The following ODAD2 variants were observed in gnomAD, a reference collection of about 807,000 sequenced individuals.
The protein encoded by ODAD2 is outer dynein arm-docking complex subunit 2.
ODAD2 carries 89 observed loss-of-function variants against 106.8 expected under a neutral mutation model. The observed-to-expected ratio is 0.83, with a 90% CI of 0.70 to 0.99. ODAD2 has a LOEUF of 0.99. ODAD2 is among the 50% of genes least tolerant of loss of function. The pLI, the probability that ODAD2 is intolerant of heterozygous loss-of-function variation, is 0.00. For missense variants in ODAD2, 1,168 were observed against 1,238.5 expected (o/e 0.94, Z 0.85); for synonymous variants, 404 against 436.2 (o/e 0.93, Z 0.92).
At chr10:27,888,980 C>A (rs554813202) in intron 17 of ODAD2, among the ~76,000 whole-genome samples, 1 of 152,274 alleles carries the variant, frequency 6.6e-6, no homozygotes, top group South Asian at 2.1e-4. Flanking sequence ...ACATCCAAAG[C>A]ACAATGTAGC....
At position 27,860,631 on chromosome 10, in the gene ODAD2, T is replaced by C. The variant is rs746942166; in HGVS notation, c.3015A>G (p.Ala1005=). 1 of 1,613,540 alleles carries C rather than the reference T, an allele frequency of 6.2e-7. No homozygotes were observed. Among genetic ancestry groups the C allele is most frequent in the Non-Finnish European group, 8.5e-7 (1 of 1,179,628 alleles). ...DNCITMHENG[A]VKLLLDMVGS... is the part of the protein sequence containing the mutation. ...CAAAGTCATTCAACTGTACCTTTAC[T>C]GCACCATTCTCATGCATGGTGATGC... is the stretch of plus-strand genomic sequence containing the variant. The change falls in exon 19 of 20, where the codon GCA becomes GCG. Residue 1005 remains alanine, a synonymous_variant. Coordinates refer to ENST00000305242, the MANE Select transcript of ODAD2 (RefSeq NM_018076.5).
At chr10:27,899,951 C>T (rs1161488254) in intron 17 of ODAD2, among the ~76,000 whole-genome samples, 2 of 152,184 alleles carry the variant, frequency 1.3e-5, no homozygotes, top group Non-Finnish European at 2.9e-5. Flanking sequence ...CTCAGCACAG[C>T]ACTCAAGCTC....
At chr10:27,948,712 A>C (rs1366419162) in intron 10 of ODAD2, among the ~76,000 whole-genome samples, 1 of 148,984 alleles carries the variant, frequency 6.7e-6, no homozygotes, top group Non-Finnish European at 1.5e-5. Flanking sequence ...AATTAATGCA[A>C]TTCTTTTGCT....
chr10:27,824,403 G>A (rs1836875414), intron 19 of ODAD2, among the ~76,000 whole-genome samples: 1 of 152,126 alleles, frequency 6.6e-6, no homozygotes, highest in African/African-American at 2.4e-5. Flanking sequence ...CCTAATAAAT[G>A]GGTAAGTTTG....
At chr10:27,959,108 A>G (rs1847927858) in intron 10 of ODAD2, 2 of 857,702 alleles carry the variant, frequency 2.3e-6, no homozygotes, top group Non-Finnish European at 3.2e-6. Context: ...AGGCCAATGT[A>G]GGAAGACTGC....
chr10:27,931,086 G>C (rs1845586573), intron 16 of ODAD2, among the ~76,000 whole-genome samples: 1 of 151,790 alleles, frequency 6.6e-6, no homozygotes, highest in Admixed American at 6.6e-5. Context: ...CTTCTTCCAA[G>C]ACCCATTCAA....
In ODAD2 at chr10:27,980,544, C is replaced by T. The variant is rs866164075; in HGVS notation, c.936+922G>A. 6.6e-5 allele frequency among the ~76,000 whole-genome samples: 10 copies of T among 152,020 alleles called. No individual in the cohort carries two copies. The South Asian group carries it at 1.0e-3, about 16-fold the overall frequency. ...CAGACATTTCTTCAAAAAAGATATA[C>T]AGATAACCAACAAATATATGAAAAT... On this transcript the variant is annotated intron_variant, in intron 7 of 19. Coordinates refer to ENST00000305242, the MANE Select transcript of ODAD2 (RefSeq NM_018076.5).
intron 17 of ODAD2, among the ~76,000 whole-genome samples, chr10:27,876,343 A>G (rs1045582664): frequency 1.9e-4 from 29 of 152,134 alleles, no homozygotes; most frequent in Non-Finnish European, 8.8e-5. Context: ...CCTCTGAGAC[A>G]AAGCCTCCAG....
chr10:27,935,060 C>G lies in ODAD2; in HGVS notation c.2445G>C (p.Val815=). 6.2e-7 allele frequency: 1 copy of G among 1,613,932 alleles called. No individual in the cohort carries two copies. Among genetic ancestry groups the G allele is most frequent in the East Asian group, 2.2e-5 (1 of 44,866 alleles). The change falls in exon 16 of 20, where the codon GTG becomes GTC. Residue 815 remains valine, a synonymous_variant. Transcript: ENST00000305242. ...LLVGINQALL[V]NVTKAVGACA... is the part of the protein sequence containing the mutation. ...AAGCACCAACTGCTTTTGTAACATT[C>G]ACAAGAAGAGCTTGGTTTATTCCAA... is the stretch of plus-strand genomic sequence containing the variant.
chr10:27,944,785 A>C (rs764249970), intron 11 of ODAD2, 31 bp downstream of exon 11: 1 of 1,613,636 alleles, frequency 6.2e-7, no homozygotes, highest in East Asian at 2.2e-5. Flanking sequence ...TGGGAACAAG[A>C]CTCCGCATCC....
At chr10:27,885,902 TA>T (rs892175779) in intron 17 of ODAD2, among the ~76,000 whole-genome samples, 4 of 123,192 alleles carry the variant, frequency 3.2e-5, no homozygotes, top group South Asian at 2.2e-4. Flanking sequence ...TATTTATATA[TA>T]AAAATATATA....
intron 10 of ODAD2, among the ~76,000 whole-genome samples, chr10:27,950,790 G>A (rs1847277459): frequency 6.6e-6 from 1 of 151,952 alleles, no homozygotes; most frequent in African/African-American, 2.4e-5. Flanking sequence ...AACATTTACA[G>A]GAATTGACAG....
At chr10:27,998,423 A>C (rs573769295) in intron 1 of ODAD2, among the ~76,000 whole-genome samples, 1 of 152,052 alleles carries the variant, frequency 6.6e-6, no homozygotes, top group Non-Finnish European at 1.5e-5. Flanking sequence ...GGACGGCGAA[A>C]ACCACGCTGG....
In ODAD2 at chr10:27,995,010, G is replaced by A. The variant is rs1850469722; in HGVS notation, c.133C>T (p.His45Tyr). 2 of 1,614,172 alleles carry A rather than the reference G, an allele frequency of 1.2e-6. No individual in the cohort carries two copies. Among genetic ancestry groups the A allele is most frequent in the Non-Finnish European group, 1.7e-6 (2 of 1,180,030 alleles). ...IVFVESFIYK[H>Y]PQEAKFVFVE... The stretch of plus-strand genomic sequence containing the variant: ...AAAACAAATTTTGCCTCTTGAGGAT[G>A]TTTATAGATAAAACTCTCCACAAAC... Residue 45 changes from histidine (H) to tyrosine (Y), a missense_variant, in exon 2 of 20, where the codon CAT (histidine) becomes TAT (tyrosine). This residue lies in a region of ODAD2 where 430 missense variants were observed against 452.2 expected (regional missense o/e 0.95). Transcript: ENST00000305242.
chr10:27,971,148 C>G lies in ODAD2; in HGVS notation c.1102G>C (p.Glu368Gln), dbSNP rs775228185. Residue 368 changes from glutamate to glutamine, a missense_variant, in exon 8 of 20, where the codon GAA (glutamate) becomes CAA (glutamine). Physicochemically the swap from Glu to Gln is conservative, Grantham distance 29. This residue lies in a region of ODAD2 where 430 missense variants were observed against 452.2 expected (regional missense o/e 0.95). Coordinates refer to ENST00000305242, the MANE Select transcript of ODAD2 (RefSeq NM_018076.5). ...FWRNQMTKRW[E>Q]PSLNWKTTVN... ...GTGGTCTTCCAGTTTAAGCTTGGTT[C>G]CCATCTCTTGGTCATTTGATTCCTC... is the stretch of plus-strand genomic sequence containing the variant. The G allele has an allele frequency of 5.0e-6, 8 of 1,613,722 alleles. No homozygotes were observed. The Admixed American group carries it at 6.7e-5, about 13-fold the overall frequency.
chr10:27,835,359 G>A (rs994175392), intron 19 of ODAD2, among the ~76,000 whole-genome samples: 2 of 152,160 alleles, frequency 1.3e-5, no homozygotes, highest in Non-Finnish European at 2.9e-5. Flanking sequence ...GAGCAACTTC[G>A]AAAGTCACCC....
Position 27,926,009 on chromosome 10 carries a change from A to T in ODAD2, c.2495+9001T>A, listed in dbSNP as rs549049341. Among the ~76,000 whole-genome samples the T allele has an allele frequency of 1.2e-4, 18 of 151,294 alleles. No individual in the cohort carries two copies. The East Asian group carries it at 3.3e-3, about 28-fold the overall frequency. ...TGACAGAGTGAGACTCCAGCTAAAA[A>T]AAAAAAAAAAAAAAAGTAACACTTT... is the stretch of plus-strand genomic sequence containing the variant. On this transcript the variant is annotated intron_variant, in intron 16 of 19. Transcript: ENST00000305242.
chr10:27,936,279 A>G (rs935856930), intron 15 of ODAD2, among the ~76,000 whole-genome samples: 4 of 152,210 alleles, frequency 2.6e-5, no homozygotes, highest in Non-Finnish European at 5.9e-5. Flanking sequence ...TGATGAAATC[A>G]TGTTTGAAAA....
intron 7 of ODAD2, among the ~76,000 whole-genome samples, chr10:27,978,421 C>A (rs1332726634): frequency 1.3e-5 from 2 of 152,310 alleles, no homozygotes; most frequent in Middle Eastern, 3.4e-3. Context: ...TATTCTCTAA[C>A]ATCCGAATCC....
Sources: allele counts gnomAD v4.1 joint callset (sites outside exome capture counted in the v4.1 genomes callset), GRCh38; gene constraint gnomAD v4.1.1; regional missense constraint gnomAD v4.1.1; transcripts MANE v1.5; gene names NCBI Gene and HGNC (gene_info 2026-07-23, HGNC 2026-07-21).